LTBP2: variants seen among roughly 807,000 people sequenced by gnomAD.
LTBP2 encodes latent-transforming growth factor beta-binding protein 2.
In LTBP2, 103 loss-of-function variants were observed where a neutral mutation model predicts 210.6. That is an observed-to-expected ratio of 0.49 (90% confidence interval 0.42 to 0.58). The LOEUF is 0.58. Among genes scored for constraint, LTBP2 ranks in the 20% least tolerant of loss-of-function variants. The pLI, the probability that LTBP2 is intolerant of heterozygous loss-of-function variation, is 0.00. For synonymous variants in LTBP2, 1,007 were observed against 1,015.0 expected (o/e 0.99, Z 0.15); for missense variants, 2,313 against 2,494.5 (o/e 0.93, Z 1.55).
chr14:74,519,297 G>A (rs111876446), intron 17 of LTBP2, among the ~76,000 whole-genome samples: 147 of 152,046 alleles, frequency 9.7e-4, no homozygotes, highest in African/African-American at 3.4e-3. Flanking sequence ...TTCTAAACCC[G>A]GCCAAGAATC....
At chr14:74,556,723 G>T (rs2087733895) in intron 3 of LTBP2, among the ~76,000 whole-genome samples, 1 of 152,108 alleles carries the variant, frequency 6.6e-6, no homozygotes, top group Non-Finnish European at 1.5e-5. Flanking sequence ...TTGCCATGTT[G>T]GCCAGGCTCG....
At chr14:74,557,067 C>G (rs1012703431) in intron 3 of LTBP2, among the ~76,000 whole-genome samples, 2 of 151,974 alleles carry the variant, frequency 1.3e-5, no homozygotes, top group Non-Finnish European at 2.9e-5. Flanking sequence ...TTCGAGATCA[C>G]CCTGGTCAAC....
At chr14:74,530,722 C>T (rs1399423259) in intron 10 of LTBP2, among the ~76,000 whole-genome samples, 5 of 152,176 alleles carry the variant, frequency 3.3e-5, no homozygotes, top group Admixed American at 2.6e-4. Context: ...ACCATGTTGC[C>T]TAGGCTGGTT....
At chr14:74,540,830 A>ATATATT (rs1555350191) in intron 8 of LTBP2, among the ~76,000 whole-genome samples, 1 of 68,628 alleles carries the variant, frequency 1.5e-5, no homozygotes, top group African/African-American at 5.1e-5. Context: ...ATTTTTATAT[A>ATATATT]ATATATATTT....
chr14:74,564,255 ATATATATTTATATATATT>A (rs2087860002), intron 3 of LTBP2, among the ~76,000 whole-genome samples: 2 of 26,914 alleles, frequency 7.4e-5, no homozygotes, highest in Non-Finnish European at 1.2e-4. Context: ...ATATATATTT[ATATATATTTATATATATT>A]TATATATATA....
At chr14:74,536,775 G>T (rs913981879) in intron 8 of LTBP2, among the ~76,000 whole-genome samples, 3 of 152,218 alleles carry the variant, frequency 2.0e-5, no homozygotes, top group Non-Finnish European at 4.4e-5. Context: ...GAACCCAGGA[G>T]GGGGAGGTCG....
chr14:74,587,972 G>C (rs1448857577), intron 2 of LTBP2, among the ~76,000 whole-genome samples: 7 of 152,190 alleles, frequency 4.6e-5, no homozygotes. Flanking sequence ...TGGCCTGCTG[G>C]CTGTGGCCCC....
At chr14:74,506,229 G>C in intron 27 of LTBP2, 38 bp from the exon 28 acceptor site, 1 of 1,613,882 alleles carries the variant, frequency 6.2e-7, no homozygotes, top group Non-Finnish European at 8.5e-7. Context: ...GCAGAAAAGA[G>C]GCAGCCCGTG....
At chr14:74,528,020 C>T (rs1441626312) in intron 12 of LTBP2, among the ~76,000 whole-genome samples, 2 of 152,342 alleles carry the variant, frequency 1.3e-5, no homozygotes, top group South Asian at 4.1e-4. Flanking sequence ...GAGCCTCATA[C>T]CCAGCCTCCC....
chr14:74,527,535 G>T (rs1454089133), intron 12 of LTBP2, among the ~76,000 whole-genome samples, 169 bp from the exon 13 acceptor site: 1 of 152,216 alleles, frequency 6.6e-6, no homozygotes, highest in Non-Finnish European at 1.5e-5. Flanking sequence ...CATCACCCCT[G>T]TAGGGACTGG....
intron 2 of LTBP2, among the ~76,000 whole-genome samples, chr14:74,588,229 G>C (rs1026978560): frequency 6.6e-5 from 10 of 152,078 alleles, no homozygotes; most frequent in Admixed American, 3.3e-4. Context: ...TGTTTTTTGG[G>C]TTTTTGTTTT....
chr14:74,611,993 T>A lies in LTBP2; in HGVS notation c.-49A>T. ...TGCGCGCGGGCACCGCGAAGAGCTT[T>A]GTGGTCGGCACGCTGGACGCCCGCG... On this transcript the variant is annotated 5_prime_UTR_variant, in exon 1 of 36. Transcript: ENST00000261978. 6.7e-7 allele frequency: 1 copy of A among 1,485,332 alleles called. No individual in the cohort carries two copies. The highest frequency in any genetic ancestry group is 8.9e-7 in the Non-Finnish European group (1 of 1,126,938). 92.0% of individuals were successfully genotyped at this position (1,485,332 alleles called of 1,614,324 possible). A position where few individuals can be genotyped will look rare whatever the true frequency, so the allele number is the denominator to read the frequency against.
intron 18 of LTBP2, among the ~76,000 whole-genome samples, chr14:74,516,507 T>C (rs2087137050): frequency 6.6e-6 from 1 of 152,164 alleles, no homozygotes; most frequent in South Asian, 2.1e-4. Context: ...ACACCGACTC[T>C]TCCTCTGCCC....
chr14:74,506,123 A>G lies in LTBP2; in HGVS notation c.4102T>C (p.Phe1368Leu). ...AGGTCACTGGCACAGAGGCACAGGAAGGAGCCCTCCACGTTCTCACAGAGC... is the reference window on the plus strand; with the variant it reads ...AGGTCACTGGCACAGAGGCACAGGAGGGAGCCCTCCACGTTCTCACAGAGC... ...AALCENVEGS[F>L]LCLCASDLEE... Residue 1368 changes from phenylalanine (F) to leucine (L), a missense_variant, in exon 28 of 36, where the codon TTC becomes CTC. Physicochemically the swap from Phe to Leu is conservative, Grantham distance 22 (BLOSUM62 0). Around this residue, in one of 3 missense-constraint regions of LTBP2, gnomAD observed 1,867 missense variants for 1,976.9 expected, o/e 0.94. Transcript: ENST00000261978. The G allele has an allele frequency of 6.2e-7, 1 of 1,614,226 alleles. No individual in the cohort carries two copies. The highest frequency in any genetic ancestry group is 2.2e-5 in the East Asian group (1 of 44,872).
In LTBP2 at chr14:74,505,024, C is replaced by T. The variant is rs1359523671; in HGVS notation, c.4328G>A (p.Ser1443Asn). 6.2e-7 allele frequency: 1 copy of T among 1,614,212 alleles called. No homozygotes were observed. Among genetic ancestry groups the T allele is most frequent in the African/African-American group, 1.3e-5 (1 of 75,060 alleles). The change falls in exon 29 of 36, where the codon AGC becomes AAC. Residue 1443 changes from serine (S) to asparagine (N), a missense_variant. This residue lies in a region of LTBP2 where 1,867 missense variants were observed against 1,976.9 expected (regional missense o/e 0.94). Coordinates refer to ENST00000261978, the MANE Select transcript of LTBP2 (RefSeq NM_000428.3). ...GCAGAGGTCACAGGCATCTCCCCAGCTAGCGCCCTGGGTGCAGCAGCATTC... is the reference window on the plus strand; with the variant it reads ...GCAGAGGTCACAGGCATCTCCCCAGTTAGCGCCCTGGGTGCAGCAGCATTC... ...QAECCCTQGASWGDACDLCPS... is the reference protein window; with the variant it reads ...QAECCCTQGANWGDACDLCPS...
intron 3 of LTBP2, among the ~76,000 whole-genome samples, chr14:74,584,498 G>A (rs2088177322): frequency 6.6e-6 from 1 of 152,124 alleles, no homozygotes; most frequent in Admixed American, 6.5e-5. Context: ...CCTTACACCA[G>A]GCTTACCACC....
At chr14:74,549,820 A>C in intron 8 of LTBP2, 43 bp downstream of exon 8, 25 of 1,517,292 alleles carry the variant, frequency 1.6e-5, no homozygotes, top group Non-Finnish European at 2.2e-5. Context: ...AGGCCCAGGG[A>C]GAGCTTCCTC....
chr14:74,532,613 G>T, intron 9 of LTBP2, 65 bp from the exon 10 acceptor site: 2 of 1,581,240 alleles, frequency 1.3e-6, no homozygotes, highest in South Asian at 1.1e-5. Flanking sequence ...AGAGGGGCTG[G>T]GCAGAGATCT....
chr14:74,582,279 T>C (rs1408766586), intron 3 of LTBP2, among the ~76,000 whole-genome samples: 1 of 151,684 alleles, frequency 6.6e-6, no homozygotes, highest in Non-Finnish European at 1.5e-5. Flanking sequence ...AATAACTGTA[T>C]CCCAAGCCAG....
Sources: gnomAD v4.1 joint callset for allele counts (sites outside exome capture counted in the v4.1 genomes callset) on GRCh38, gnomAD v4.1.1 for gene constraint, gnomAD v4.1.1 regional missense constraint, MANE v1.5 for transcripts, NCBI Gene and HGNC (gene_info 2026-07-23, HGNC 2026-07-21) for gene names.